The following NBPF9 variants were observed in gnomAD, a reference collection of about 807,000 sequenced individuals.
The protein encoded by NBPF9 is NBPF member 9, also known as NBPF family member NBPF9.
NBPF9 carries 91 observed loss-of-function variants against 97.8 expected under a neutral mutation model. The observed-to-expected ratio is 0.93, with a 90% CI of 0.79 to 1.11. The LOEUF (loss-of-function observed/expected upper bound fraction) is 1.11, where lower values mean the gene tolerates loss of function less well. NBPF9 is among the 50% of genes least tolerant of loss of function. The pLI is 0.00. For missense variants in NBPF9, 992 were observed against 939.5 expected (o/e 1.06, Z -0.73); for synonymous variants, 334 against 359.5 (o/e 0.93, Z 0.80).
chr1:149,062,910 AT>A lies in NBPF9; in HGVS notation c.2029del (p.Ile677LeufsTer51). 1 of 825,922 alleles carries A rather than the reference AT, an allele frequency of 1.2e-6. No individual in the cohort carries two copies. Among genetic ancestry groups the A allele is most frequent in the East Asian group, 2.4e-5 (1 of 40,848 alleles). The allele number at this position is 825,922 out of a possible 1,614,324, so 51.2% of individuals were successfully genotyped here. A position where few individuals can be genotyped will look rare whatever the true frequency, so the allele number is the denominator to read the frequency against. On this transcript the variant is annotated frameshift_variant and splice_region_variant, in exon 21 of 30. Coordinates refer to ENST00000584027, the Ensembl canonical transcript of NBPF9. LOFTEE classifies it high-confidence loss of function. ...TTCTTCCACTTCTTGGTACTTTTCA[AT>A]TTCTGCAATAAGTTCAGACATGGAC... is the stretch of plus-strand genomic sequence containing the variant.
exon 26 of NBPF9, chr1:149,059,021 A>T: frequency 2.4e-6 from 1 of 422,620 alleles, no homozygotes. Context: ...AGATAACCTG[A>T]AGGAGTCGAA....
At chr1:149,098,501 T>A in exon 4 of NBPF9, 1 of 1,524,676 alleles carries the variant, frequency 6.6e-7, no homozygotes, top group Non-Finnish European at 8.8e-7. Flanking sequence ...GTGCACCGAA[T>A]GGGGAAGTTT....
exon 30 of NBPF9, chr1:149,055,846 A>T (rs782101622): frequency 6.2e-7 from 1 of 1,606,354 alleles, no homozygotes; most frequent in African/African-American, 1.3e-5. Context: ...ACATCCATCC[A>T]GTGAGTCCTG....
rs1191277979 is a variant in NBPF9 at position 149,079,003 on chromosome 1, T to C, written c.493+4A>G. On this transcript the variant is annotated splice_donor_region_variant and intron_variant, in intron 9 of 29. Transcript: ENST00000584027. ...TGGGTCATCAGGGCCTATGGCCACCTTACCTGGGCTGAGCTTTTGGACAAG... is the reference window on the plus strand; with the variant it reads ...TGGGTCATCAGGGCCTATGGCCACCCTACCTGGGCTGAGCTTTTGGACAAG... 2.1e-5 allele frequency: 29 copies of C among 1,400,418 alleles called. No individual in the cohort carries two copies. Among genetic ancestry groups the C allele is most frequent in the Non-Finnish European group, 2.9e-5 (29 of 999,882 alleles). The allele number at this position is 1,400,418 out of a possible 1,614,324, so 86.7% of individuals were successfully genotyped here. A position where few individuals can be genotyped will look rare whatever the true frequency, so the allele number is the denominator to read the frequency against.
intron 10 of NBPF9, among the ~76,000 whole-genome samples, 170 bp downstream of exon 10, chr1:149,077,713 T>C (rs1226156739): frequency 1.3e-5 from 2 of 151,990 alleles, no homozygotes; most frequent in Admixed American, 6.6e-5. Flanking sequence ...TTGGCACACA[T>C]AGAGAAACAC....
Position 149,061,030 on chromosome 1 carries a change from A to G in NBPF9, c.2303+302T>C, listed in dbSNP as rs1449407321. On this transcript the variant is annotated intron_variant, in intron 23 of 29. Transcript: ENST00000584027. ...AGTGCCCTCAGGACACACAGCATAC[A>G]GGGATCATGAAAAGACTGAGCTCAA... is the stretch of plus-strand genomic sequence containing the variant. The G allele has an allele frequency of 5.6e-4, 234 of 418,562 alleles. 74 individuals are homozygous for G. The highest frequency in any genetic ancestry group is 6.5e-4 in the Non-Finnish European group (148 of 227,756). 25.9% of individuals were successfully genotyped at this position (418,562 alleles called of 1,614,324 possible).
chr1:149,084,504 G>A (rs2080827709), intron 5 of NBPF9, among the ~76,000 whole-genome samples: 1 of 147,966 alleles, frequency 6.8e-6, no homozygotes, highest in South Asian at 2.1e-4. Context: ...GTGGCGAGGA[G>A]GACAGCACCT....
At chr1:149,056,272 AT>A (rs2078235780) in intron 29 of NBPF9, among the ~76,000 whole-genome samples, 1 of 137,410 alleles carries the variant, frequency 7.3e-6, no homozygotes, top group Non-Finnish European at 1.6e-5. Flanking sequence ...TCAAAATTCG[AT>A]GCAGTGGCCA....
chr1:149,067,287 AT>A (rs2079088980), intron 17 of NBPF9, among the ~76,000 whole-genome samples: 1 of 116,156 alleles, frequency 8.6e-6, no homozygotes, highest in East Asian at 2.4e-4. Context: ...TTCCTTTATT[AT>A]TTTTTGTGTG....
intron 11 of NBPF9, 155 bp from the exon 12 acceptor site, chr1:149,076,019 T>C (rs1359583095): frequency 7.4e-6 from 5 of 679,208 alleles, no homozygotes; most frequent in African/African-American, 1.8e-5. Flanking sequence ...CTTGATCTCC[T>C]TTAAGTCAAC....
chr1:149,088,748 G>A (rs2081211228), intron 5 of NBPF9, among the ~76,000 whole-genome samples: 1 of 152,016 alleles, frequency 6.6e-6, no homozygotes, highest in African/African-American at 2.4e-5. Flanking sequence ...GCCGGGCATG[G>A]TGGCTCACGC....
At chr1:149,074,087 A>G (rs2079644571) in intron 12 of NBPF9, among the ~76,000 whole-genome samples, 1 of 151,246 alleles carries the variant, frequency 6.6e-6, no homozygotes, top group Admixed American at 6.6e-5. Flanking sequence ...TCAAGGGCAC[A>G]TCAAGGAAGT....
At chr1:149,055,723 C>G (rs1553648654) in exon 30 of NBPF9, 3 of 1,611,854 alleles carry the variant, frequency 1.9e-6, no homozygotes, top group South Asian at 1.1e-5. Context: ...AGTAAAAAAC[C>G]TATTGTCCAC....
At chr1:149,057,767 A>T (rs2078317035) in intron 27 of NBPF9, among the ~76,000 whole-genome samples, 1 of 102,982 alleles carries the variant, frequency 9.7e-6, no homozygotes, top group African/African-American at 3.5e-5. Context: ...AGAGAGAGAG[A>T]GAGAGAGAAC....
intron 5 of NBPF9, among the ~76,000 whole-genome samples, chr1:149,082,663 CTT>C (rs1239003274): frequency 2.8e-5 from 4 of 142,970 alleles, no homozygotes; most frequent in African/African-American, 1.1e-4. Flanking sequence ...CTGTTTATCT[CTT>C]GTCTGTACAA....
intron 26 of NBPF9, 132 bp downstream of exon 26, chr1:149,058,793 C>A (rs1553649591): frequency 4.4e-5 from 30 of 677,756 alleles, no homozygotes; most frequent in African/African-American, 3.9e-4. Context: ...TTCATTACAA[C>A]CTATATGCGC....
chr1:149,055,325 A>C, exon 30 of NBPF9: 1 of 486,272 alleles, frequency 2.1e-6, no homozygotes, highest in East Asian at 4.5e-5. Context: ...GACCTTGAGC[A>C]GGTATAGAAG....
chr1:149,063,145 A>G (rs1253742752), intron 20 of NBPF9, among the ~76,000 whole-genome samples: 1 of 144,660 alleles, frequency 6.9e-6, no homozygotes, highest in Admixed American at 6.9e-5. Context: ...TCCCAATATC[A>G]TTTGTCCCAA....
chr1:149,097,547 G>T (rs587640143), intron 4 of NBPF9, among the ~76,000 whole-genome samples: 3 of 152,054 alleles, frequency 2.0e-5, no homozygotes, highest in African/African-American at 7.3e-5. Context: ...CAGCCCCTGG[G>T]TCTGACATCG....
Sources: gnomAD v4.1 joint callset for allele counts (sites outside exome capture counted in the v4.1 genomes callset) on GRCh38, gnomAD v4.1.1 for gene constraint, MANE v1.5 for transcripts, NCBI Gene and HGNC (gene_info 2026-07-23, HGNC 2026-07-21) for gene names.